EPHA5: variants seen among roughly 807,000 people sequenced by gnomAD.
EPHA5 encodes ephrin type-A receptor 5.
In EPHA5, 60 loss-of-function variants were observed where a neutral mutation model predicts 105.0. The observed-to-expected ratio is 0.57, with a 90% CI of 0.46 to 0.71. EPHA5 has a LOEUF of 0.71. Ranked by LOEUF, EPHA5 falls within the 30% of genes least tolerant of loss-of-function variation. The pLI is 0.00. For missense variants in EPHA5, 1,218 were observed against 1,274.7 expected (o/e 0.96, Z 0.68); for synonymous variants, 513 against 449.1 (o/e 1.14, Z -1.80).
At chr4:65,555,187 G>A (rs1454239865) in intron 3 of EPHA5, among the ~76,000 whole-genome samples, 3 of 151,780 alleles carry the variant, frequency 2.0e-5, no homozygotes, top group Admixed American at 1.3e-4. Context: ...ACTCCCATGT[G>A]TGTCCTTAGT....
intron 5 of EPHA5, among the ~76,000 whole-genome samples, chr4:65,472,113 A>T (rs1729346376): frequency 6.6e-6 from 1 of 152,178 alleles, no homozygotes; most frequent in East Asian, 1.9e-4. Context: ...ACATGCTCTC[A>T]TTCCAAATGG....
chr4:65,447,244 G>T (rs748909317), intron 5 of EPHA5, among the ~76,000 whole-genome samples: 1 of 151,746 alleles, frequency 6.6e-6, no homozygotes, highest in Admixed American at 6.6e-5. Context: ...TTAGAATATG[G>T]CAATAGTTTC....
intron 3 of EPHA5, among the ~76,000 whole-genome samples, chr4:65,533,778 A>C: frequency 6.6e-6 from 1 of 152,066 alleles, no homozygotes; most frequent in Non-Finnish European, 1.5e-5. Context: ...TACTAAAAAT[A>C]CAAAAATTAG....
At chr4:65,347,944 A>C (rs1438638660) in intron 14 of EPHA5, 110 bp downstream of exon 14, 2 of 1,152,652 alleles carry the variant, frequency 1.7e-6, no homozygotes, top group Admixed American at 2.5e-5. Context: ...TAAGCAAAGT[A>C]TTTCATTTTC....
rs573332307 is a variant in EPHA5 at position 65,490,615 on chromosome 4, G to A, written c.1164C>T (p.Asp388=). The A allele has an allele frequency of 1.9e-5, 30 of 1,614,012 alleles. No individual in the cohort carries two copies. In the East Asian group the frequency reaches 4.2e-4, roughly 23 times the overall value. The part of the protein sequence containing the change: ...IPPADTGGRK[D]VSYYIACKKC... ...TCTTGCATGCAATATAATATGACAC[G>A]TCTTTCCTTCCACCAGTGTCAGCAG... The change falls in exon 5 of 17, where the codon GAC becomes GAT. Residue 388 remains aspartate (D), a synonymous_variant. Transcript: ENST00000613740.
intron 3 of EPHA5, among the ~76,000 whole-genome samples, chr4:65,503,329 TTAA>T (rs1306193512): frequency 6.6e-6 from 1 of 151,776 alleles, no homozygotes; most frequent in African/African-American, 2.4e-5. Context: ...TGTTATTAGG[TTAA>T]AACATTGATA....
intron 10 of EPHA5, 92 bp downstream of exon 10, chr4:65,365,840 T>TA (rs1187850856): frequency 1.5e-6 from 2 of 1,320,014 alleles, no homozygotes; most frequent in Admixed American, 3.9e-5. Flanking sequence ...TAGAAAAGAT[T>TA]AAAAACATTC....
rs774667775 is a variant in EPHA5 at position 65,602,073 on chromosome 4, C to G, written c.478G>C (p.Asp160His). 2 of 1,614,116 alleles carry G rather than the reference C, an allele frequency of 1.2e-6. No homozygotes were observed. The highest frequency in any genetic ancestry group is 1.7e-6 in the Non-Finnish European group (2 of 1,180,002). ...TCCTTGATGTTTCTCCCATTCTGAT[C>G]ATCTGACTCAAAGTAATACATATTA... ...TFNMYYFESDDQNGRNIKENQ... is the reference protein window; with the variant it reads ...TFNMYYFESDHQNGRNIKENQ... The change falls in exon 3 of 17, where the codon GAT becomes CAT. Residue 160 changes from aspartate to histidine, a missense_variant. By Grantham distance (81) the Asp-to-His change is moderately conservative. Coordinates refer to ENST00000613740, the MANE Select transcript of EPHA5 (RefSeq NM_001281766.3).
At chr4:65,352,170 C>T (rs915732613) in intron 12 of EPHA5, among the ~76,000 whole-genome samples, 3 of 151,818 alleles carry the variant, frequency 2.0e-5, no homozygotes, top group Admixed American at 1.3e-4. Flanking sequence ...AAAGGAATGG[C>T]GTGACTCTAA....
intron 2 of EPHA5, among the ~76,000 whole-genome samples, chr4:65,618,947 G>A (rs562268174): frequency 2.0e-5 from 3 of 152,138 alleles, no homozygotes; most frequent in Non-Finnish European, 4.4e-5. Context: ...TTGAGGTCAG[G>A]AGTTTGAGAC....
intron 5 of EPHA5, among the ~76,000 whole-genome samples, chr4:65,432,799 G>T (rs1178015212): frequency 6.6e-6 from 1 of 151,456 alleles, no homozygotes; most frequent in Non-Finnish European, 1.5e-5. Context: ...CCTAGAGCAG[G>T]TTGTGTCTTA....
At chr4:65,600,801 G>A (rs1401487471) in intron 3 of EPHA5, among the ~76,000 whole-genome samples, 1 of 152,020 alleles carries the variant, frequency 6.6e-6, no homozygotes, top group Non-Finnish European at 1.5e-5. Flanking sequence ...CCCATAAACT[G>A]CTCTTCGTTT....
At chr4:65,410,778 A>G (rs757148053) in intron 7 of EPHA5, among the ~76,000 whole-genome samples, 14 of 152,166 alleles carry the variant, frequency 9.2e-5, no homozygotes, top group Non-Finnish European at 1.9e-4. Flanking sequence ...TTTTAATAAA[A>G]AACACAATAT....
intron 8 of EPHA5, among the ~76,000 whole-genome samples, chr4:65,375,285 TTTTA>T (rs1718882079): frequency 6.6e-6 from 1 of 151,846 alleles, no homozygotes; most frequent in Non-Finnish European, 1.5e-5. Flanking sequence ...GCTAAATCTT[TTTTA>T]TTTTTTTTTC....
chr4:65,640,682 C>G (rs148217538), intron 2 of EPHA5, among the ~76,000 whole-genome samples: 30 of 152,258 alleles, frequency 2.0e-4, no homozygotes, highest in African/African-American at 7.0e-4. Context: ...CGCTGAGGGT[C>G]TGTGTGTGCA....
At chr4:65,526,938 G>A (rs943043297) in intron 3 of EPHA5, among the ~76,000 whole-genome samples, 1 of 151,908 alleles carries the variant, frequency 6.6e-6, no homozygotes, top group African/African-American at 2.4e-5. Flanking sequence ...AAAATCTAAT[G>A]CTACTAAACA....
In EPHA5 at chr4:65,388,226, A is replaced by C. The variant is rs537582862; in HGVS notation, c.1793+16148T>G. Among the ~76,000 whole-genome samples the C allele has an allele frequency of 1.4e-3, 209 of 150,286 alleles. 2 individuals carry two copies. Among genetic ancestry groups the C allele is most frequent in the African/African-American group, 5.0e-3 (204 of 40,984 alleles). On this transcript the variant is annotated intron_variant, in intron 8 of 16. Transcript: ENST00000613740. Reference sequence around the variant, plus strand: ...TTAATCCAGTCTATCATTGTTGGACATTTGGGTTGGTTCCAAGTCTTTGCT... The same window carrying C: ...TTAATCCAGTCTATCATTGTTGGACCTTTGGGTTGGTTCCAAGTCTTTGCT...
Position 65,348,808 on chromosome 4 carries a change from TATA to T in EPHA5, c.2446-608_2446-606del, listed in dbSNP as rs1560438378. On this transcript the variant is annotated intron_variant, in intron 13 of 16. Transcript: ENST00000613740. ...GTGTGTGTGTGTATATATATATATA[TATA>T]TATATTTTTTTTTTTTTTTTTTGAG... is the stretch of plus-strand genomic sequence containing the variant. Among the ~76,000 whole-genome samples, 9 of 67,048 alleles carry T rather than the reference TATA, an allele frequency of 1.3e-4. 1 individual carries two copies. Among genetic ancestry groups the T allele is most frequent in the African/African-American group, 3.8e-4 (7 of 18,476 alleles). The allele number at this position is 67,048 out of a possible 152,430, so 44.0% of individuals were successfully genotyped here. A position where few individuals can be genotyped will look rare whatever the true frequency, so the allele number is the denominator to read the frequency against.
At chr4:65,448,975 T>C (rs1392921867) in intron 5 of EPHA5, among the ~76,000 whole-genome samples, 1 of 152,086 alleles carries the variant, frequency 6.6e-6, no homozygotes, top group Non-Finnish European at 1.5e-5. Flanking sequence ...CTCCAAGAAA[T>C]AATTTTTAAA....
Sources: gnomAD v4.1 joint callset for allele counts (sites outside exome capture counted in the v4.1 genomes callset) on GRCh38, gnomAD v4.1.1 for gene constraint, MANE v1.5 for transcripts, NCBI Gene and HGNC (gene_info 2026-07-23, HGNC 2026-07-21) for gene names.